The following KSR2 variants were observed in gnomAD, a reference collection of about 807,000 sequenced individuals.
KSR2 encodes the protein kinase suppressor of ras 2.
KSR2 carries 25 observed loss-of-function variants against 107.8 expected under a neutral mutation model. That is an observed-to-expected ratio of 0.23 (90% CI 0.17 to 0.32). The LOEUF (loss-of-function observed/expected upper bound fraction) is 0.32, where lower values mean the gene tolerates loss of function less well. KSR2 is among the 10% of genes least tolerant of loss of function. The probability of loss-of-function intolerance (pLI) is 1.00; values close to 1 mark genes in which losing one functional copy is unlikely to be tolerated. For missense variants in KSR2, 887 were observed against 1,268.9 expected (o/e 0.70, Z 4.57); for synonymous variants, 480 against 507.0 (o/e 0.95, Z 0.71).
chr12:117,592,324 G>A (rs1300536142), intron 5 of KSR2, among the ~76,000 whole-genome samples: 1 of 151,992 alleles, frequency 6.6e-6, no homozygotes, highest in Non-Finnish European at 1.5e-5. Context: ...ATGTTGGCCA[G>A]GCTGGTCTCT....
chr12:117,616,382 G>A (rs1356356), intron 5 of KSR2, among the ~76,000 whole-genome samples: 1 of 152,058 alleles, frequency 6.6e-6, no homozygotes, highest in African/African-American at 2.4e-5. Flanking sequence ...AAGTTATTTC[G>A]CATGGCTGTT....
At chr12:117,749,806 C>T (rs977164098) in intron 4 of KSR2, among the ~76,000 whole-genome samples, 7 of 152,072 alleles carry the variant, frequency 4.6e-5, no homozygotes, top group African/African-American at 1.7e-4. Context: ...GATTCAGCAG[C>T]TAGGGGATTG....
chr12:117,767,784 C>CAA (rs35307926), intron 3 of KSR2, among the ~76,000 whole-genome samples: 29 of 85,706 alleles, frequency 3.4e-4, no homozygotes, highest in Non-Finnish European at 4.3e-4. Context: ...GACTCCGTCT[C>CAA]AAAAAAAAAA....
intron 5 of KSR2, among the ~76,000 whole-genome samples, chr12:117,601,534 C>G (rs1176363038): frequency 6.6e-6 from 1 of 152,086 alleles, no homozygotes; most frequent in Non-Finnish European, 1.5e-5. Context: ...AGGGAGAACA[C>G]TATGAGATCA....
At chr12:117,712,049 A>C (rs1465650438) in intron 4 of KSR2, among the ~76,000 whole-genome samples, 1 of 152,190 alleles carries the variant, frequency 6.6e-6, no homozygotes, top group Non-Finnish European at 1.5e-5. Flanking sequence ...CACCCAAGCC[A>C]ACCCTCCCAG....
chr12:117,669,596 A>G (rs903127367), intron 4 of KSR2, among the ~76,000 whole-genome samples: 3 of 151,722 alleles, frequency 2.0e-5, no homozygotes, highest in African/African-American at 7.2e-5. Context: ...GGCTGAGTGC[A>G]GTGTCTCATC....
intron 4 of KSR2, among the ~76,000 whole-genome samples, chr12:117,720,428 C>A (rs976939190): frequency 3.3e-5 from 5 of 152,222 alleles, no homozygotes; most frequent in African/African-American, 1.2e-4. Flanking sequence ...CCTTGAAGCC[C>A]ATTAATAGGC....
chr12:117,591,703 C>A (rs1019601459), intron 5 of KSR2, among the ~76,000 whole-genome samples: 4 of 145,058 alleles, frequency 2.8e-5, no homozygotes, highest in Non-Finnish European at 6.0e-5. Context: ...CCTGGTCCCA[C>A]CCCTGCTTAA....
chr12:117,906,713 T>C (rs1894862634), intron 1 of KSR2, among the ~76,000 whole-genome samples: 1 of 152,082 alleles, frequency 6.6e-6, no homozygotes, highest in Admixed American at 6.6e-5. Flanking sequence ...CAGTTCTCAG[T>C]GTTCAGTGAG....
At position 117,466,816 on chromosome 12, in the gene KSR2, AAC is replaced by A. The variant is rs1871167530; in HGVS notation, c.*381_*382del. ...GGGGAAACAAGAGTGAACAACGTCA[AAC>A]ACACAGACACACACACACATAGCCC... On this transcript the variant is annotated 3_prime_UTR_variant, in exon 20 of 20. Coordinates refer to ENST00000339824, the MANE Select transcript of KSR2 (RefSeq NM_173598.6). 1 of 217,758 alleles carries A rather than the reference AAC, an allele frequency of 4.6e-6. No homozygotes were observed. The highest frequency in any genetic ancestry group is 2.3e-5 in the African/African-American group (1 of 44,110). The allele number at this position is 217,758 out of a possible 1,614,324, so 13.5% of individuals were successfully genotyped here.
intron 6 of KSR2, among the ~76,000 whole-genome samples, chr12:117,581,213 C>G (rs1879642552): frequency 6.6e-6 from 1 of 152,122 alleles, no homozygotes; most frequent in Non-Finnish European, 1.5e-5. Flanking sequence ...TGCTCACCTC[C>G]TCCATGCCCC....
intron 5 of KSR2, among the ~76,000 whole-genome samples, chr12:117,655,211 T>C (rs1884093018): frequency 6.6e-6 from 1 of 152,232 alleles, no homozygotes; most frequent in Non-Finnish European, 1.5e-5. Flanking sequence ...CTACCACCTG[T>C]GGACTCACGG....
chr12:117,455,054 G>GAGAGAA lies in KSR2; in HGVS notation c.*12144_*12145insTTCTCT, dbSNP rs1870537917. 6.6e-6 allele frequency: 1 copy of GAGAGAA among 151,556 alleles called. No individual in the cohort carries two copies. Among genetic ancestry groups the GAGAGAA allele is most frequent in the Admixed American group, 6.6e-5 (1 of 15,178 alleles). 9.4% of individuals were successfully genotyped at this position (151,556 alleles called of 1,614,324 possible). A position where few individuals can be genotyped will look rare whatever the true frequency, so the allele number is the denominator to read the frequency against. On this transcript the variant is annotated 3_prime_UTR_variant, in exon 20 of 20. Transcript: ENST00000339824. Reference sequence around the variant, plus strand: ...ACAGACAGAGAGAGAGAGAGAGAGAGAGAGAGAGAGAGAGAGAGGTCTGTA... The same window carrying GAGAGAA: ...ACAGACAGAGAGAGAGAGAGAGAGAGAGAGAAAGAGAGAGAGAGAGAGAGGTCTGTA...
At chr12:117,579,020 G>C (rs1879471164) in intron 7 of KSR2, 99 bp downstream of exon 7, 1 of 841,654 alleles carries the variant, frequency 1.2e-6, no homozygotes, top group South Asian at 1.4e-5. Flanking sequence ...ACTCTCCCAA[G>C]AGTGAAGAAA....
intron 3 of KSR2, among the ~76,000 whole-genome samples, chr12:117,800,655 C>T (rs2137018989): frequency 6.6e-6 from 1 of 152,254 alleles, no homozygotes; most frequent in African/African-American, 2.4e-5. Flanking sequence ...CATAGGTATA[C>T]ATGTGCCATG....
intron 1 of KSR2, among the ~76,000 whole-genome samples, chr12:117,872,940 G>C (rs545249281): frequency 6.6e-6 from 1 of 152,274 alleles, no homozygotes; most frequent in African/African-American, 2.4e-5. Context: ...CAGTGGGCAG[G>C]GAAGACAGAT....
chr12:117,757,832 C>T (rs1002745278), intron 4 of KSR2, among the ~76,000 whole-genome samples: 9 of 152,204 alleles, frequency 5.9e-5, no homozygotes, highest in African/African-American at 2.2e-4. Flanking sequence ...CATAACTATT[C>T]TATGTACTGG....
Position 117,842,054 on chromosome 12 carries a change from AACCAGCAGC to A in KSR2, c.472+13365_472+13373del, listed in dbSNP as rs1892507348. 6.6e-6 allele frequency among the ~76,000 whole-genome samples: 1 copy of A among 152,212 alleles called. No homozygotes were observed. Among genetic ancestry groups the A allele is most frequent in the African/African-American group, 2.4e-5 (1 of 41,446 alleles). ...AGGGGTTCTCAAAGCGTGTTCCCCA[AACCAGCAGC>A]ACCAGCGTCGCCTGGGAACTTGTTA... On this transcript the variant is annotated intron_variant, in intron 3 of 19. Transcript: ENST00000339824. This position sits in a 1 kb window ranked among gnomAD's most constrained non-coding sequence, Gnocchi z 4.2.
chr12:117,900,264 C>T (rs1894642250), intron 1 of KSR2, among the ~76,000 whole-genome samples: 1 of 152,214 alleles, frequency 6.6e-6, no homozygotes, highest in Admixed American at 6.5e-5. Context: ...AGGCTATTGA[C>T]TGTTACTCAA....
Sources: allele counts gnomAD v4.1 joint callset (sites outside exome capture counted in the v4.1 genomes callset), GRCh38; gene constraint gnomAD v4.1.1; non-coding constraint Gnocchi (gnomAD v3.1); transcripts MANE v1.5; gene names NCBI Gene and HGNC (gene_info 2026-07-23, HGNC 2026-07-21).